Variants in DPYD observed in about 807,000 individuals in gnomAD.
The protein encoded by DPYD is dihydropyrimidine dehydrogenase [NADP(+)].
DPYD carries 109 observed loss-of-function variants against 116.2 expected under a neutral mutation model. The observed-to-expected ratio is 0.94, with a 90% CI of 0.80 to 1.10. DPYD has a LOEUF of 1.10. Among genes scored for constraint, DPYD ranks in the 50% least tolerant of loss-of-function variants. The pLI is 0.00. For missense variants in DPYD, 1,302 were observed against 1,254.5 expected, an observed-to-expected ratio of 1.04 and a Z score of -0.57; for synonymous variants, 440 against 432.0, an observed-to-expected ratio of 1.02 and a Z score of -0.23.
chr1:97,643,687 T>C (rs950078444), intron 8 of DPYD, among the ~76,000 whole-genome samples: 2 of 152,104 alleles, frequency 1.3e-5, no homozygotes, highest in Non-Finnish European at 2.9e-5. Context: ...CCAACCCAAA[T>C]GGCCATCAAT....
At chr1:97,381,670 T>G (rs1204767548) in intron 15 of DPYD, among the ~76,000 whole-genome samples, 2 of 152,188 alleles carry the variant, frequency 1.3e-5, no homozygotes, top group Middle Eastern at 6.3e-3. Flanking sequence ...GTCAATTAGT[T>G]CATTGGTATA....
chr1:97,738,288 T>C (rs1269428393), intron 4 of DPYD, among the ~76,000 whole-genome samples: 1 of 152,098 alleles, frequency 6.6e-6, no homozygotes, highest in Non-Finnish European at 1.5e-5. Context: ...AGAGATACAA[T>C]TGCAAACAAC....
chr1:97,342,359 T>A (rs1424317810), intron 16 of DPYD, among the ~76,000 whole-genome samples: 1 of 152,174 alleles, frequency 6.6e-6, no homozygotes, highest in African/African-American at 2.4e-5. Flanking sequence ...TTTCAGTGAA[T>A]AAGAATATTT....
intron 16 of DPYD, among the ~76,000 whole-genome samples, chr1:97,314,836 A>G (rs1667721304): frequency 6.6e-6 from 1 of 151,958 alleles, no homozygotes; most frequent in African/African-American, 2.4e-5. Context: ...CTGCCCAAAT[A>G]AACAGATCAA....
At chr1:97,554,655 G>A (rs922300429) in intron 11 of DPYD, among the ~76,000 whole-genome samples, 7 of 152,108 alleles carry the variant, frequency 4.6e-5, no homozygotes, top group Non-Finnish European at 1.0e-4. Context: ...TCAGAGTTCT[G>A]TTTAAATAGA....
At chr1:97,806,501 G>A (rs1210072074) in intron 3 of DPYD, among the ~76,000 whole-genome samples, 3 of 151,690 alleles carry the variant, frequency 2.0e-5, no homozygotes, top group Admixed American at 1.3e-4. Context: ...TTTAAAAATT[G>A]TACATACTTC....
chr1:97,352,471 C>T (rs897141833), intron 16 of DPYD, among the ~76,000 whole-genome samples: 1 of 151,684 alleles, frequency 6.6e-6, no homozygotes, highest in Admixed American at 6.6e-5. Flanking sequence ...GAGCAGACAG[C>T]TGGATTTACA....
chr1:97,912,225 TATA>T (rs1271792081), intron 1 of DPYD, among the ~76,000 whole-genome samples: 1 of 151,808 alleles, frequency 6.6e-6, no homozygotes, highest in East Asian at 1.9e-4. Context: ...AAATGCACTA[TATA>T]TCATTGAGCC....
At chr1:97,104,710 G>A (rs546188154) in intron 20 of DPYD, among the ~76,000 whole-genome samples, 7 of 152,150 alleles carry the variant, frequency 4.6e-5, no homozygotes, top group Non-Finnish European at 8.8e-5. Context: ...GGAGAAGGGT[G>A]ACAATTTGGA....
chr1:97,087,984 C>T (rs768750503), intron 21 of DPYD, among the ~76,000 whole-genome samples: 4 of 152,164 alleles, frequency 2.6e-5, no homozygotes, highest in Non-Finnish European at 5.9e-5. Context: ...GCACTTCTGA[C>T]CTGTCCTTAA....
chr1:97,902,783 T>C (rs376228575), intron 1 of DPYD, among the ~76,000 whole-genome samples: 2 of 151,848 alleles, frequency 1.3e-5, no homozygotes, highest in African/African-American at 2.4e-5. Context: ...TAAAGGAGCA[T>C]ACTAAACAAA....
Position 97,393,025 on chromosome 1 carries a change from C to T in DPYD, c.1906-10564G>A, listed in dbSNP as rs530691802. On this transcript the variant is annotated intron_variant, in intron 14 of 22. Coordinates refer to ENST00000370192, the MANE Select transcript of DPYD (RefSeq NM_000110.4). Reference sequence around the variant, plus strand: ...CCAGACCACTAAAATGTTCTCCATACCAGCAATAAGGCTGTTTTCTTTCTT... The same window carrying T: ...CCAGACCACTAAAATGTTCTCCATATCAGCAATAAGGCTGTTTTCTTTCTT... Among the ~76,000 whole-genome samples the T allele has an allele frequency of 1.3e-4, 20 of 152,146 alleles. 1 individual carries two copies. In the South Asian group the frequency reaches 3.9e-3, roughly 30 times the overall value.
chr1:97,309,030 C>T (rs961089234), intron 16 of DPYD, among the ~76,000 whole-genome samples: 1 of 151,926 alleles, frequency 6.6e-6, no homozygotes, highest in African/African-American at 2.4e-5. Flanking sequence ...CATATTTTCA[C>T]ATTATTTCCT....
intron 2 of DPYD, among the ~76,000 whole-genome samples, chr1:97,874,753 A>G (rs1671823625): frequency 6.6e-6 from 1 of 151,856 alleles, no homozygotes; most frequent in African/African-American, 2.4e-5. Context: ...CACATCTACC[A>G]ACAACATTAA....
intron 20 of DPYD, among the ~76,000 whole-genome samples, chr1:97,116,985 C>T (rs1652017728): frequency 1.9e-5 from 2 of 106,282 alleles, no homozygotes; most frequent in Non-Finnish European, 3.7e-5. Context: ...CCCATGTCTA[C>T]TAAAAATACA....
At chr1:97,354,279 T>A (rs75777655) in intron 16 of DPYD, among the ~76,000 whole-genome samples, 6,999 of 152,218 alleles carry the variant, frequency 0.046, 217 homozygotes, top group Middle Eastern at 0.11. Flanking sequence ...GACAGTGCAC[T>A]TTCTCTTTCT....
chr1:97,190,117 C>A (rs550506952), intron 20 of DPYD, among the ~76,000 whole-genome samples: 1 of 152,314 alleles, frequency 6.6e-6, no homozygotes, highest in East Asian at 1.9e-4. Context: ...TTACTATTTG[C>A]TAATAACTGC....
chr1:97,245,013 T>A (rs536436619), intron 18 of DPYD, among the ~76,000 whole-genome samples: 1 of 152,214 alleles, frequency 6.6e-6, no homozygotes, highest in African/African-American at 2.4e-5. Context: ...CCACTTCATA[T>A]GAAAAAATAA....
At chr1:97,245,314 G>A (rs531402771) in intron 18 of DPYD, among the ~76,000 whole-genome samples, 1 of 152,096 alleles carries the variant, frequency 6.6e-6, no homozygotes, top group African/African-American at 2.4e-5. Flanking sequence ...TGCCGGGTTT[G>A]AATGTGAGGA....
Sources: allele counts gnomAD v4.1 joint callset (sites outside exome capture counted in the v4.1 genomes callset), GRCh38; gene constraint gnomAD v4.1.1; transcripts MANE v1.5; gene names NCBI Gene and HGNC (gene_info 2026-07-23, HGNC 2026-07-21).